The following AMOTL1 variants were observed in gnomAD, a reference collection of about 807,000 sequenced individuals.
AMOTL1 encodes angiomotin like 1.
Under a neutral mutation model 102.9 loss-of-function variants are expected in AMOTL1, and 45 were observed. That is an observed-to-expected ratio of 0.44 (90% CI 0.34 to 0.56). AMOTL1 has a LOEUF of 0.56. Among genes scored for constraint, AMOTL1 ranks in the 20% least tolerant of loss-of-function variants. AMOTL1 has a pLI of 0.01. For missense variants in AMOTL1, 1,114 were observed against 1,225.6 expected, an observed-to-expected ratio of 0.91 and a Z score of 1.36; for synonymous variants, 481 against 484.7, an observed-to-expected ratio of 0.99 and a Z score of 0.10.
intron 7 of AMOTL1, among the ~76,000 whole-genome samples, chr11:94,851,021 T>C (rs1952526684): frequency 6.6e-6 from 1 of 152,214 alleles, no homozygotes; most frequent in Non-Finnish European, 1.5e-5. Flanking sequence ...ATAAAGCAGC[T>C]GAAGAGGAAG....
In AMOTL1 at chr11:94,728,907, ATTAT is replaced by A. The variant is rs1950302105; in HGVS notation, c.-50-7_-50-4del. The A allele has an allele frequency of 7.9e-6, 9 of 1,146,392 alleles. No homozygotes were observed. The South Asian group carries it at 1.2e-4, about 15-fold the overall frequency. The allele number at this position is 1,146,392 out of a possible 1,614,324, so 71.0% of individuals were successfully genotyped here. ...TAATTCAAATCCCTTTTTTATATTC[ATTAT>A]TTATTTCAGGAGATTGCTTCCATTT... On this transcript the variant is annotated splice_polypyrimidine_tract_variant and intron_variant, in intron 1 of 4. Transcript: ENST00000299004.
At chr11:94,802,233 T>C (rs1951492169) in intron 3 of AMOTL1, among the ~76,000 whole-genome samples, 1 of 152,234 alleles carries the variant, frequency 6.6e-6, no homozygotes, top group Non-Finnish European at 1.5e-5. Context: ...AGCTCCTTGA[T>C]CAAATCCCTG....
chr11:94,718,589 A>T (rs959419139), intron 1 of AMOTL1, among the ~76,000 whole-genome samples: 2 of 151,996 alleles, frequency 1.3e-5, no homozygotes, highest in East Asian at 3.9e-4. Flanking sequence ...TCTTGATATT[A>T]ATCTTTTAAA....
At chr11:94,792,332 G>T (rs1951298774) in intron 1 of AMOTL1, among the ~76,000 whole-genome samples, 1 of 152,200 alleles carries the variant, frequency 6.6e-6, no homozygotes, top group Non-Finnish European at 1.5e-5. Context: ...GACATGGACT[G>T]GGGGAGGGAT....
chr11:94,870,677 T>A lies in AMOTL1; in HGVS notation c.2765-12T>A. 1 of 1,580,820 alleles carries A rather than the reference T, an allele frequency of 6.3e-7. No homozygotes were observed. The highest frequency in any genetic ancestry group is 8.6e-7 in the Non-Finnish European group (1 of 1,161,198). ...AGGAATGGGCAGCTGATGTTTCCCC[T>A]CTATTTGGCAGAGAACTCTCCTGGC... On this transcript the variant is annotated splice_polypyrimidine_tract_variant and intron_variant, in intron 12 of 12. Transcript: ENST00000433060.
chr11:94,761,839 G>A (rs984012804), intron 3 of AMOTL1, among the ~76,000 whole-genome samples: 3 of 152,190 alleles, frequency 2.0e-5, no homozygotes, highest in African/African-American at 7.2e-5. Context: ...TTGGTCTGTA[G>A]TGCATATTCT....
chr11:94,763,844 C>T (rs569339964), upstream of AMOTL1, among the ~76,000 whole-genome samples: 1 of 152,006 alleles, frequency 6.6e-6, no homozygotes, highest in Non-Finnish European at 1.5e-5. Context: ...TGTAAGTTGA[C>T]CTGCACTGTT....
intron 1 of AMOTL1, among the ~76,000 whole-genome samples, chr11:94,770,257 T>C (rs1437867605): frequency 6.6e-6 from 1 of 152,218 alleles, no homozygotes; most frequent in East Asian, 1.9e-4. Flanking sequence ...CTGAGCCTTA[T>C]AGTGTGTATC....
Position 94,853,913 on chromosome 11 carries a change from T to C in AMOTL1, c.1795-20T>C, listed in dbSNP as rs1463459676. 6.2e-7 allele frequency: 1 copy of C among 1,602,294 alleles called. No individual in the cohort carries two copies. Among genetic ancestry groups the C allele is most frequent in the South Asian group, 1.1e-5 (1 of 88,790 alleles). On this transcript the variant is annotated intron_variant, in intron 7 of 12. Coordinates refer to ENST00000433060, the MANE Select transcript of AMOTL1 (RefSeq NM_130847.3). ...TCAGTGGTCTAAATTCTGTGCTCTT[T>C]TTTACTCTTCTCCACTCAGTTACGA...
intron 3 of AMOTL1, among the ~76,000 whole-genome samples, chr11:94,811,736 C>A (rs1332547377): frequency 1.3e-5 from 2 of 152,186 alleles, no homozygotes; most frequent in Admixed American, 6.5e-5. Flanking sequence ...AACAAACAAT[C>A]TCACAATTTA....
intron 3 of AMOTL1, among the ~76,000 whole-genome samples, chr11:94,741,898 G>A (rs1033301474): frequency 2.0e-5 from 3 of 152,130 alleles, no homozygotes; most frequent in African/African-American, 7.2e-5. Context: ...CACAAACAGC[G>A]GTTTAAATAT....
intron 3 of AMOTL1, among the ~76,000 whole-genome samples, chr11:94,743,258 C>T (rs551742681): frequency 2.0e-5 from 3 of 152,314 alleles, no homozygotes; most frequent in Non-Finnish European, 4.4e-5. Flanking sequence ...TCTATTTTCA[C>T]CTCTTAAAGT....
chr11:94,793,654 A>G (rs1232560238), intron 1 of AMOTL1, among the ~76,000 whole-genome samples: 2 of 152,230 alleles, frequency 1.3e-5, no homozygotes, highest in Admixed American at 6.5e-5. Context: ...TTCTAGATTT[A>G]TAGACGTAGA....
intron 3 of AMOTL1, among the ~76,000 whole-genome samples, chr11:94,817,444 G>C (rs534957889): frequency 6.6e-6 from 1 of 152,272 alleles, no homozygotes; most frequent in African/African-American, 2.4e-5. Flanking sequence ...CATACAGGAA[G>C]TAGTGTCAAA....
chr11:94,826,504 C>T lies in AMOTL1; in HGVS notation c.1414-3546C>T, dbSNP rs1414400069. On this transcript the variant is annotated intron_variant, in intron 4 of 12. Coordinates refer to ENST00000433060, the MANE Select transcript of AMOTL1 (RefSeq NM_130847.3). ...ACACTGGTATCTTCTTGGCTTCCAG[C>T]GAGGGCTTTTACGCTGTGTCACAAC... Among the ~76,000 whole-genome samples, 7 of 152,058 alleles carry T rather than the reference C, an allele frequency of 4.6e-5. No homozygotes were observed. In the Middle Eastern group the frequency reaches 0.01, roughly 222 times the overall value.
intron 3 of AMOTL1, among the ~76,000 whole-genome samples, chr11:94,745,179 T>C (rs919923403): frequency 6.6e-6 from 1 of 152,024 alleles, no homozygotes; most frequent in Non-Finnish European, 1.5e-5. Context: ...ATTTACATTA[T>C]GACACAATGC....
At chr11:94,815,380 TC>T (rs1287431264) in intron 3 of AMOTL1, among the ~76,000 whole-genome samples, 1 of 152,126 alleles carries the variant, frequency 6.6e-6, no homozygotes, top group African/African-American at 2.4e-5. Context: ...ATGTTAAGGT[TC>T]TTAGGAAAAC....
chr11:94,783,592 A>G (rs1055076164), intron 1 of AMOTL1, among the ~76,000 whole-genome samples: 2 of 152,176 alleles, frequency 1.3e-5, no homozygotes, highest in Non-Finnish European at 2.9e-5. Context: ...GAGGAGAAAG[A>G]AGTAGGTATA....
intron 6 of AMOTL1, 105 bp from the exon 7 acceptor site, chr11:94,850,009 T>G: frequency 7.6e-7 from 1 of 1,314,952 alleles, no homozygotes; most frequent in Non-Finnish European, 1.0e-6. Context: ...CCTCCATTAT[T>G]TGCATGCTTT....
Sources: allele counts gnomAD v4.1 joint callset (sites outside exome capture counted in the v4.1 genomes callset), GRCh38; gene constraint gnomAD v4.1.1; transcripts MANE v1.5; gene names NCBI Gene and HGNC (gene_info 2026-07-23, HGNC 2026-07-21).